The following ARHGAP21 variants were observed in gnomAD, a reference collection of about 807,000 sequenced individuals.
The protein encoded by ARHGAP21 is rho GTPase-activating protein 21.
ARHGAP21 carries 38 observed loss-of-function variants against 164.6 expected under a neutral mutation model. That is an observed-to-expected ratio of 0.23 (90% CI 0.18 to 0.30). The LOEUF is 0.30. ARHGAP21 is among the 10% of genes least tolerant of loss of function. The pLI, the probability that ARHGAP21 is intolerant of heterozygous loss-of-function variation, is 1.00. For synonymous variants in ARHGAP21, 766 were observed against 857.9 expected, an observed-to-expected ratio of 0.89 and a Z score of 1.87; for missense variants, 1,822 against 2,370.7, an observed-to-expected ratio of 0.77 and a Z score of 4.81.
rs1407663577 is a variant in ARHGAP21 at position 24,670,217 on chromosome 10, C to T, written c.243+1G>A. The T allele has an allele frequency of 6.4e-7, 1 of 1,572,228 alleles. No homozygotes were observed. The highest frequency in any genetic ancestry group is 8.6e-7 in the Non-Finnish European group (1 of 1,157,110). On this transcript the variant is annotated splice_donor_variant, in intron 3 of 25. Transcript: ENST00000396432. LOFTEE classifies it high-confidence loss of function. ...CAAGTTGCGGTAACTATTTCTCTTA[C>T]CTTATATGAAAATTGAATTGCAGAC...
intron 4 of ARHGAP21, among the ~76,000 whole-genome samples, chr10:24,645,674 T>G (rs10828683): frequency 1.3e-5 from 2 of 151,724 alleles, no homozygotes; most frequent in African/African-American, 4.8e-5. Context: ...TACATGAAAT[T>G]GTTGTAGGAT....
rs935794515 is a variant in ARHGAP21, at chr10:24,597,666, C to G, written c.3198-83G>C. 8 of 1,541,794 alleles carry G rather than the reference C, an allele frequency of 5.2e-6. No homozygotes were observed. In the African/African-American group the frequency reaches 6.9e-5, roughly 13 times the overall value. Reference sequence around the variant, plus strand: ...TCAGTTACCCGTGGTGAGCCATGGTCTGAAAATATTAACTGGAAAATTCTT... The same window carrying G: ...TCAGTTACCCGTGGTGAGCCATGGTGTGAAAATATTAACTGGAAAATTCTT... On this transcript the variant is annotated intron_variant, in intron 15 of 25. Coordinates refer to ENST00000396432, the MANE Select transcript of ARHGAP21 (RefSeq NM_020824.4).
At chr10:24,602,240 T>C (rs1252832453) in intron 12 of ARHGAP21, 137 bp from the exon 13 acceptor site, 2 of 966,054 alleles carry the variant, frequency 2.1e-6, no homozygotes, top group East Asian at 2.9e-5. Flanking sequence ...AACTTTATCT[T>C]TTTAAAAATT....
chr10:24,665,504 G>A (rs896412465), intron 4 of ARHGAP21, among the ~76,000 whole-genome samples: 2 of 152,096 alleles, frequency 1.3e-5, no homozygotes, highest in African/African-American at 4.8e-5. Context: ...CCTGACAAAA[G>A]AGTACATGCT....
chr10:24,590,399 T>C (rs1202604413), intron 24 of ARHGAP21: 5 of 1,535,382 alleles, frequency 3.3e-6, no homozygotes, highest in Non-Finnish European at 3.5e-6. Flanking sequence ...TCCTCCTTCT[T>C]CCTACAGTTC....
intron 4 of ARHGAP21, among the ~76,000 whole-genome samples, chr10:24,644,373 AC>A (rs1343000017): frequency 1.3e-5 from 2 of 152,110 alleles, no homozygotes; most frequent in Admixed American, 1.3e-4. Context: ...TGTATCGCTT[AC>A]CTTCAGTTAC....
intron 2 of ARHGAP21, among the ~76,000 whole-genome samples, chr10:24,709,064 G>C (rs903278466): frequency 4.6e-5 from 7 of 152,094 alleles, no homozygotes; most frequent in African/African-American, 1.7e-4. Flanking sequence ...AATCAGATAT[G>C]AAAAAGGAGA....
chr10:24,609,461 G>A (rs546255262), intron 9 of ARHGAP21, among the ~76,000 whole-genome samples: 10 of 152,178 alleles, frequency 6.6e-5, no homozygotes, highest in South Asian at 6.2e-4. Flanking sequence ...TGGAGAAGGC[G>A]TGGGAGAAGA....
At chr10:24,702,780 A>G (rs1054595437) in intron 2 of ARHGAP21, among the ~76,000 whole-genome samples, 5 of 152,054 alleles carry the variant, frequency 3.3e-5, no homozygotes, top group African/African-American at 1.2e-4. Flanking sequence ...AGGTCTCACT[A>G]TATTGCCCAG....
chr10:24,592,159 T>A, intron 21 of ARHGAP21, 147 bp from the exon 22 acceptor site: 122 of 250,396 alleles, frequency 4.9e-4, no homozygotes, highest in Non-Finnish European at 6.4e-4. Flanking sequence ...TAGCAAGATT[T>A]TTTTTTTTTT....
At chr10:24,599,769 T>G (rs1037989886) in intron 14 of ARHGAP21, among the ~76,000 whole-genome samples, 4 of 152,176 alleles carry the variant, frequency 2.6e-5, no homozygotes, top group African/African-American at 7.2e-5. Flanking sequence ...CTATTGAAAT[T>G]CCTACTGTGA....
rs58990664 is a variant in ARHGAP21, at chr10:24,689,946, A to ATG, written c.64-19551_64-19550dup. On this transcript the variant is annotated intron_variant, in intron 2 of 25. Transcript: ENST00000396432. ...TATGTATGTATATGTATATATGTAT[A>ATG]TGTGTGTGTGTGTGTGTGTATATAC... Among the ~76,000 whole-genome samples, 21 of 76,568 alleles carry ATG rather than the reference A, an allele frequency of 2.7e-4. 1 individual carries two copies. The highest frequency in any genetic ancestry group is 1.9e-3 in the South Asian group (5 of 2,586). The allele number at this position is 76,568 out of a possible 152,430, so 50.2% of individuals were successfully genotyped here. A position where few individuals can be genotyped will look rare whatever the true frequency, so the allele number is the denominator to read the frequency against.
At chr10:24,586,817 G>C (rs2076121774) in intron 25 of ARHGAP21, among the ~76,000 whole-genome samples, 1 of 152,296 alleles carries the variant, frequency 6.6e-6, no homozygotes, top group East Asian at 1.9e-4. Flanking sequence ...GGAGGCTGAG[G>C]CGGGCAGATT....
intron 19 of ARHGAP21, 132 bp downstream of exon 19, chr10:24,595,585 G>A (rs78778163): frequency 0.012 from 9,886 of 822,070 alleles, 426 homozygotes; most frequent in African/African-American, 0.12. Flanking sequence ...TTTAATATAT[G>A]AGGGAGAACT....
At chr10:24,637,586 C>G (rs1307727231) in intron 4 of ARHGAP21, among the ~76,000 whole-genome samples, 1 of 152,142 alleles carries the variant, frequency 6.6e-6, no homozygotes, top group South Asian at 2.1e-4. Flanking sequence ...AATAATAAAA[C>G]GTTGGTTGGG....
In ARHGAP21 at chr10:24,604,353, TGGG is replaced by T. The variant is rs1422822642; in HGVS notation, c.2685-8_2685-6del. 14 of 1,585,800 alleles carry T rather than the reference TGGG, an allele frequency of 8.8e-6. No individual in the cohort carries two copies. The highest frequency in any genetic ancestry group is 1.4e-5 in the African/African-American group (1 of 73,826). On this transcript the variant is annotated splice_region_variant and splice_polypyrimidine_tract_variant and intron_variant, in intron 11 of 25. Coordinates refer to ENST00000396432, the MANE Select transcript of ARHGAP21 (RefSeq NM_020824.4). ...CTAGATACGTGCTTAAAGGACCTGT[TGGG>T]GAAAAAATATATAAATATTTTCAAT...
intron 4 of ARHGAP21, among the ~76,000 whole-genome samples, chr10:24,647,083 T>A (rs1446292989): frequency 6.6e-6 from 1 of 152,220 alleles, no homozygotes; most frequent in Admixed American, 6.5e-5. Flanking sequence ...TTAAGTGTTT[T>A]AGAACCCTTG....
intron 2 of ARHGAP21, among the ~76,000 whole-genome samples, chr10:24,698,297 C>G (rs1390566399): frequency 1.3e-5 from 2 of 152,016 alleles, no homozygotes; most frequent in African/African-American, 4.8e-5. Flanking sequence ...TTAAGAAGCC[C>G]AAGAAATCAT....
chr10:24,718,841 C>A (rs904380092), intron 2 of ARHGAP21, among the ~76,000 whole-genome samples: 1 of 151,730 alleles, frequency 6.6e-6, no homozygotes, highest in Non-Finnish European at 1.5e-5. Context: ...GACAAAAATT[C>A]TATTACTGGA....
Sources: gnomAD v4.1 joint callset for allele counts (sites outside exome capture counted in the v4.1 genomes callset) on GRCh38, gnomAD v4.1.1 for gene constraint, MANE v1.5 for transcripts, NCBI Gene and HGNC (gene_info 2026-07-23, HGNC 2026-07-21) for gene names.